TEX22: variants seen among roughly 807,000 people sequenced by gnomAD.
The protein encoded by TEX22 is testis-expressed protein 22.
TEX22 carries 16 observed loss-of-function variants against 11.3 expected under a neutral mutation model. The ratio of observed to expected loss-of-function variants is 1.42; its 90% CI spans 0.96 to 2.15. The LOEUF (loss-of-function observed/expected upper bound fraction) is 2.15, where lower values mean the gene tolerates loss of function less well. Ranked by LOEUF, TEX22 falls within the 30% of genes most tolerant of loss-of-function variation. TEX22 has a pLI of 0.00. For synonymous variants in TEX22, 97 were observed against 92.3 expected, an observed-to-expected ratio of 1.05 and a Z score of -0.29; for missense variants, 220 against 208.6, an observed-to-expected ratio of 1.05 and a Z score of -0.34.
At chr14:105,401,891 A>G (rs1489821976) in intron 2 of TEX22, among the ~76,000 whole-genome samples, 1 of 152,198 alleles carries the variant, frequency 6.6e-6, no homozygotes, top group East Asian at 1.9e-4. Context: ...TACCACTATG[A>G]CGTCAGAAAA....
chr14:105,402,497 G>A (rs920805716), intron 2 of TEX22, among the ~76,000 whole-genome samples: 3 of 152,054 alleles, frequency 2.0e-5, no homozygotes, highest in Non-Finnish European at 4.4e-5. Flanking sequence ...GCTCACGCCT[G>A]TAATCCCAGC....
intron 2 of TEX22, among the ~76,000 whole-genome samples, chr14:105,408,753 GCATTCTGTC>G (rs1555419053): frequency 6.6e-6 from 1 of 152,004 alleles, no homozygotes; most frequent in Non-Finnish European, 1.5e-5. Context: ...CCTCTGTCTT[GCATTCTGTC>G]CATGCCCCAC....
Position 105,399,538 on chromosome 14 carries a change from C to T in TEX22, c.150+48C>T, listed in dbSNP as rs1555418151. 2.0e-6 allele frequency: 3 copies of T among 1,475,828 alleles called. No individual in the cohort carries two copies. In the African/African-American group the frequency reaches 4.2e-5, roughly 21 times the overall value. The allele number at this position is 1,475,828 out of a possible 1,614,324, so 91.4% of individuals were successfully genotyped here. ...CGAGGCTACTCTCCTGTCCCCAGCC[C>T]GCCTGAGGCCGCTGTCTCTGAAAAC... On this transcript the variant is annotated intron_variant, in intron 2 of 3. Coordinates refer to ENST00000451127, the MANE Select transcript of TEX22 (RefSeq NM_001195082.2).
chr14:105,406,774 T>G (rs587640146), intron 2 of TEX22, among the ~76,000 whole-genome samples: 11 of 151,014 alleles, frequency 7.3e-5, no homozygotes, highest in African/African-American at 2.7e-4. Flanking sequence ...AAGGAAAGAG[T>G]AAGTCTGTTT....
chr14:105,400,160 A>T (rs2081619077), intron 2 of TEX22, among the ~76,000 whole-genome samples: 1 of 152,206 alleles, frequency 6.6e-6, no homozygotes, highest in African/African-American at 2.4e-5. Context: ...AGATGGGTGC[A>T]GGGGCTCCTG....
intron 2 of TEX22, among the ~76,000 whole-genome samples, chr14:105,407,986 T>C (rs2081667438): frequency 6.6e-6 from 1 of 152,178 alleles, no homozygotes; most frequent in African/African-American, 2.4e-5. Flanking sequence ...GGCCAATTCA[T>C]GTGCATGTTG....
At chr14:105,402,796 C>T (rs1229957639) in intron 2 of TEX22, among the ~76,000 whole-genome samples, 2 of 151,854 alleles carry the variant, frequency 1.3e-5, no homozygotes, top group African/African-American at 4.8e-5. Context: ...TGTTCAATTC[C>T]TTCATGAAGA....
chr14:105,402,710 T>G (rs61984706), intron 2 of TEX22, among the ~76,000 whole-genome samples: 15 of 147,804 alleles, frequency 1.0e-4, no homozygotes, highest in African/African-American at 2.8e-4. Flanking sequence ...GAGACGAGAT[T>G]GCGCTACTGC....
At position 105,411,665 on chromosome 14, in the gene TEX22, C is replaced by T; in HGVS notation, c.285C>T (p.Val95=). 6.5e-7 allele frequency: 1 copy of T among 1,528,674 alleles called. No individual in the cohort carries two copies. The highest frequency in any genetic ancestry group is 1.2e-5 in the South Asian group (1 of 83,884). The allele number at this position is 1,528,674 out of a possible 1,614,324, so 94.7% of individuals were successfully genotyped here. A position where few individuals can be genotyped will look rare whatever the true frequency, so the allele number is the denominator to read the frequency against. Residue 95 remains valine (V), a synonymous_variant, in exon 4 of 4, where the codon GTC becomes GTT. Coordinates refer to ENST00000451127, the MANE Select transcript of TEX22 (RefSeq NM_001195082.2). ...AAGTQLHCRD[V]VQMVAQLVSE... ...CTGACCACCCTCGCCCGCAGGACGTCGTGCAGATGGTAGCCCAGCTGGTGT... is the reference window on the plus strand; with the variant it reads ...CTGACCACCCTCGCCCGCAGGACGTTGTGCAGATGGTAGCCCAGCTGGTGT...
At chr14:105,411,600 C>G (rs1424701521) in intron 3 of TEX22, 60 bp from the exon 4 acceptor site, 1 of 1,479,866 alleles carries the variant, frequency 6.8e-7, no homozygotes, top group Non-Finnish European at 8.9e-7. Flanking sequence ...CCGGCGCTCC[C>G]GGGCCCCGCC....
chr14:105,405,666 A>G (rs781861753), intron 2 of TEX22, among the ~76,000 whole-genome samples: 8 of 152,258 alleles, frequency 5.3e-5, no homozygotes, highest in Non-Finnish European at 1.0e-4. Flanking sequence ...TGCAGCCGTG[A>G]GCGTGAGTCT....
chr14:105,401,877 A>G (rs1039025008), intron 2 of TEX22, among the ~76,000 whole-genome samples: 1 of 152,174 alleles, frequency 6.6e-6, no homozygotes, highest in African/African-American at 2.4e-5. Context: ...AGATGGATGC[A>G]TGGTACCACT....
At position 105,399,456 on chromosome 14, in the gene TEX22, G is replaced by A; in HGVS notation, c.116G>A (p.Ser39Asn). 1 of 1,535,472 alleles carries A rather than the reference G, an allele frequency of 6.5e-7. No homozygotes were observed. Among genetic ancestry groups the A allele is most frequent in the South Asian group, 1.2e-5 (1 of 84,054 alleles). Reference protein sequence around the residue: ...IAAWGQPSIQSSVQQGLQTQD... With the variant: ...IAAWGQPSIQNSVQQGLQTQD... ...GCCTGGGGCCAGCCCAGTATCCAGA[G>A]CAGCGTTCAGCAGGGACTGCAGACT... Residue 39 changes from serine (S) to asparagine (N), a missense_variant, in exon 2 of 4, where the codon AGC becomes AAC. By Grantham distance (46) the Ser-to-Asn change is conservative. Coordinates refer to ENST00000451127, the MANE Select transcript of TEX22 (RefSeq NM_001195082.2).
chr14:105,399,281 T>TCCAA, intron 1 of TEX22, 21 bp from the exon 2 acceptor site: 1 of 471,204 alleles, frequency 2.1e-6, no homozygotes, highest in African/African-American at 2.3e-5. Flanking sequence ...CCGCCCCACC[T>TCCAA]CCCCCTGCTC....
intron 2 of TEX22, among the ~76,000 whole-genome samples, chr14:105,404,167 AGACT>A (rs1318407670): frequency 6.6e-6 from 1 of 152,234 alleles, no homozygotes; most frequent in Non-Finnish European, 1.5e-5. Context: ...GGAAGGCTGG[AGACT>A]GCTTCCACGG....
intron 2 of TEX22, among the ~76,000 whole-genome samples, chr14:105,402,573 T>TGAA (rs1376328105): frequency 2.0e-4 from 30 of 151,642 alleles, no homozygotes; most frequent in South Asian, 8.3e-4. Context: ...GCTAACACGG[T>TGAA]GAAACCCCGT....
At chr14:105,410,885 C>T (rs1166189735) in intron 2 of TEX22, among the ~76,000 whole-genome samples, 1 of 152,226 alleles carries the variant, frequency 6.6e-6, no homozygotes, top group Admixed American at 6.5e-5. Flanking sequence ...TCTCCTGTAC[C>T]CTGCCAGGGG....
At chr14:105,411,333 C>A in intron 2 of TEX22, 35 bp from the exon 3 acceptor site, 1 of 1,272,732 alleles carries the variant, frequency 7.9e-7, no homozygotes, top group South Asian at 2.4e-5. Flanking sequence ...GAGCTGGCGC[C>A]GAGGCCCTCG....
intron 2 of TEX22, among the ~76,000 whole-genome samples, chr14:105,409,325 C>T (rs1285946071): frequency 6.6e-6 from 1 of 152,144 alleles, no homozygotes; most frequent in African/African-American, 2.4e-5. Context: ...GTTTTTGAGA[C>T]TCTAAAGATA....
Sources: gnomAD v4.1 joint callset for allele counts (sites outside exome capture counted in the v4.1 genomes callset) on GRCh38, gnomAD v4.1.1 for gene constraint, MANE v1.5 for transcripts, NCBI Gene and HGNC (gene_info 2026-07-23, HGNC 2026-07-21) for gene names.